ARHGEF10L: variants seen among roughly 807,000 people sequenced by gnomAD.
ARHGEF10L encodes Rho guanine nucleotide exchange factor 10 like.
A neutral mutation model predicts 141.2 loss-of-function variants in ARHGEF10L; 69 were observed. The observed-to-expected ratio is 0.49, with a 90% CI of 0.40 to 0.60. The LOEUF is 0.60. Ranked by LOEUF, ARHGEF10L falls within the 20% of genes least tolerant of loss-of-function variation. ARHGEF10L has a pLI of 0.00. For synonymous variants in ARHGEF10L, 711 were observed against 718.5 expected (o/e 0.99, Z 0.17); for missense variants, 1,482 against 1,734.3 (o/e 0.85, Z 2.58).
chr1:17,582,864 C>G, intron 2 of ARHGEF10L, among the ~76,000 whole-genome samples: 1 of 152,100 alleles, frequency 6.6e-6, no homozygotes, highest in East Asian at 1.9e-4. Context: ...CTTCCCCCTC[C>G]CTGCCCACTG....
At chr1:17,655,214 C>G (rs184197611) in intron 23 of ARHGEF10L, among the ~76,000 whole-genome samples, 1 of 152,304 alleles carries the variant, frequency 6.6e-6, no homozygotes, top group East Asian at 1.9e-4. Context: ...TGTTCCTCAT[C>G]ATTTCCCATG....
intron 4 of ARHGEF10L, among the ~76,000 whole-genome samples, 194 bp from the exon 5 acceptor site, chr1:17,601,933 C>A (rs1307173120): frequency 6.6e-6 from 1 of 152,190 alleles, no homozygotes; most frequent in South Asian, 2.1e-4. Context: ...GAAGTGCCAG[C>A]CCAACCTTAT....
chr1:17,601,822 A>G (rs2080709766), intron 4 of ARHGEF10L, among the ~76,000 whole-genome samples: 1 of 152,112 alleles, frequency 6.6e-6, no homozygotes, highest in Non-Finnish European at 1.5e-5. Context: ...GGAGAGGTGG[A>G]GGTTCCCTTT....
intron 27 of ARHGEF10L, among the ~76,000 whole-genome samples, chr1:17,693,577 G>C (rs1053654290): frequency 1.3e-5 from 2 of 152,164 alleles, no homozygotes; most frequent in East Asian, 3.9e-4. Flanking sequence ...ACTGGGCAGT[G>C]GTGAGCAGCA....
At chr1:17,666,997 C>A (rs1309467900) in intron 26 of ARHGEF10L, among the ~76,000 whole-genome samples, 2 of 151,496 alleles carry the variant, frequency 1.3e-5, no homozygotes, top group African/African-American at 4.9e-5. Flanking sequence ...CCAGGAAGGA[C>A]ATGTCTGACC....
intron 8 of ARHGEF10L, 23 bp from the exon 9 acceptor site, chr1:17,616,071 T>G (rs199681083): frequency 1.7e-5 from 27 of 1,606,544 alleles, no homozygotes; most frequent in South Asian, 8.8e-5. Flanking sequence ...CCTTCCCTGA[T>G]GAGCCTCTCT....
chr1:17,526,169 C>G, the ARHGEF10L span, among the ~76,000 whole-genome samples: 1 of 152,156 alleles, frequency 6.6e-6, no homozygotes. Flanking sequence ...CTCTGGGTTC[C>G]CTGCCAGTGC....
At chr1:17,592,207 T>C (rs1314451518) in intron 4 of ARHGEF10L, among the ~76,000 whole-genome samples, 5 of 152,162 alleles carry the variant, frequency 3.3e-5, no homozygotes, top group Non-Finnish European at 7.4e-5. Context: ...CCTGCACCCC[T>C]CACCTCTGAG....
At chr1:17,630,118 C>T (rs184845257) in intron 15 of ARHGEF10L, among the ~76,000 whole-genome samples, 26 of 152,300 alleles carry the variant, frequency 1.7e-4, no homozygotes, top group Non-Finnish European at 2.6e-4. Flanking sequence ...GGGCTTCCCC[C>T]TCCAGGGCCC....
chr1:17,601,029 G>A (rs527535185), intron 4 of ARHGEF10L, among the ~76,000 whole-genome samples: 1 of 135,406 alleles, frequency 7.4e-6, no homozygotes, highest in African/African-American at 2.8e-5. Flanking sequence ...AAGCCTGGGC[G>A]ACAGAGCGAG....
rs2077438969 is a variant in ARHGEF10L at position 17,558,778 on chromosome 1, C to A, written c.-44+18828C>A. On this transcript the variant is annotated intron_variant, in intron 1 of 28. Transcript: ENST00000361221. This position sits in a 1 kb window ranked among gnomAD's most constrained non-coding sequence, Gnocchi z 4.2. ...ATGGGGAGATGAGTCAGAAAGGATGCCCTGTGAACCTCACTGAGGAGCTGT... is the reference window on the plus strand; with the variant it reads ...ATGGGGAGATGAGTCAGAAAGGATGACCTGTGAACCTCACTGAGGAGCTGT... 6.6e-6 allele frequency among the ~76,000 whole-genome samples: 1 copy of A among 152,192 alleles called. No homozygotes were observed. The highest frequency in any genetic ancestry group is 2.4e-5 in the African/African-American group (1 of 41,442).
At chr1:17,668,663 T>C (rs1326918376) in intron 26 of ARHGEF10L, among the ~76,000 whole-genome samples, 3 of 152,162 alleles carry the variant, frequency 2.0e-5, no homozygotes, top group Non-Finnish European at 2.9e-5. Flanking sequence ...CCAGGGAGCC[T>C]CTGCAGCAGG....
intron 21 of ARHGEF10L, among the ~76,000 whole-genome samples, chr1:17,646,610 G>A (rs1307847763): frequency 6.6e-6 from 1 of 152,088 alleles, no homozygotes; most frequent in African/African-American, 2.4e-5. Context: ...ACACAACGAA[G>A]AAGAGCCACA....
rs1393148958 is a variant in ARHGEF10L, at chr1:17,673,519, G to A, written c.3009+8924G>A. On this transcript the variant is annotated intron_variant, in intron 26 of 28. Transcript: ENST00000361221. The surrounding 1 kb of genome is among the most constrained non-coding windows in gnomAD (Gnocchi z 4.1). ...GGAGGCTCCCTCCCTGGGTGGTTGG[G>A]AAGAATGAATGAGGTCACATGTGCA... Among the ~76,000 whole-genome samples the A allele has an allele frequency of 3.3e-5, 5 of 152,206 alleles. 1 individual carries two copies. The highest frequency in any genetic ancestry group is 1.2e-4 in the African/African-American group (5 of 41,456).
At chr1:17,579,684 G>T (rs2078394483) in intron 1 of ARHGEF10L, among the ~76,000 whole-genome samples, 1 of 152,228 alleles carries the variant, frequency 6.6e-6, no homozygotes, top group Admixed American at 6.5e-5. Flanking sequence ...CAGGAACACA[G>T]CCGGTTTGTG....
Position 17,607,386 on chromosome 1 carries a change from G to T in ARHGEF10L, c.434-416G>T, listed in dbSNP as rs2081272975. 6.6e-6 allele frequency among the ~76,000 whole-genome samples: 1 copy of T among 152,156 alleles called. No homozygotes were observed. The highest frequency in any genetic ancestry group is 6.5e-5 in the Admixed American group (1 of 15,280). Reference sequence around the variant, plus strand: ...GCTACCTGGGAAGCTGAGATAGGAGGATCTCTTGAGCCCAGGAGTTTGAGG... The same window carrying T: ...GCTACCTGGGAAGCTGAGATAGGAGTATCTCTTGAGCCCAGGAGTTTGAGG... On this transcript the variant is annotated intron_variant, in intron 6 of 28. Coordinates refer to ENST00000361221, the MANE Select transcript of ARHGEF10L (RefSeq NM_018125.4). This position sits in a 1 kb window ranked among gnomAD's most constrained non-coding sequence, Gnocchi z 4.5.
At chr1:17,695,076 C>T in intron 27 of ARHGEF10L, 82 bp from the exon 28 acceptor site, 1 of 1,593,104 alleles carries the variant, frequency 6.3e-7, no homozygotes, top group Non-Finnish European at 8.5e-7. Flanking sequence ...CCCGCTGTGC[C>T]AGGCCCTCAT....
chr1:17,606,803 G>A (rs867185729), intron 6 of ARHGEF10L, among the ~76,000 whole-genome samples: 8 of 152,192 alleles, frequency 5.3e-5, no homozygotes, highest in East Asian at 1.9e-4. Flanking sequence ...CCCCAGTGAC[G>A]GAGCTGGGGC....
At position 17,607,837 on chromosome 1, in the gene ARHGEF10L, C is replaced by G. The variant is rs142000555; in HGVS notation, c.469C>G (p.Arg157Gly). The G allele has an allele frequency of 1.9e-6, 3 of 1,592,086 alleles. No individual in the cohort carries two copies. In the East Asian group the frequency reaches 7.1e-5, roughly 38 times the overall value. ...ERNLLYEDAH[R>G]AGAPRQAEDL... is the part of the protein sequence containing the mutation. Reference sequence around the variant, plus strand: ...GAACCTGCTCTACGAGGATGCGCACCGGGCTGGGGCCCCTCGGCAGGCGGA... The same window carrying G: ...GAACCTGCTCTACGAGGATGCGCACGGGGCTGGGGCCCCTCGGCAGGCGGA... The change falls in exon 7 of 29, where the codon CGG becomes GGG. Residue 157 changes from arginine (R) to glycine (G), a missense_variant. Arg to Gly is a moderately radical substitution (Grantham distance 125). This residue lies in a region of ARHGEF10L where 232 missense variants were observed against 225.9 expected (regional missense o/e 1.03). Transcript: ENST00000361221. The surrounding 1 kb of genome is among the most constrained non-coding windows in gnomAD (Gnocchi z 4.5).
Sources: allele counts gnomAD v4.1 joint callset (sites outside exome capture counted in the v4.1 genomes callset), GRCh38; gene constraint gnomAD v4.1.1; regional missense constraint gnomAD v4.1.1; non-coding constraint Gnocchi (gnomAD v3.1); transcripts MANE v1.5; gene names NCBI Gene and HGNC (gene_info 2026-07-23, HGNC 2026-07-21).